The following CNTNAP5 variants were observed in gnomAD, a reference collection of about 807,000 sequenced individuals.
CNTNAP5 encodes the protein contactin associated protein family member 5, also known as contactin-associated protein-like 5.
In CNTNAP5, 72 loss-of-function variants were observed where a neutral mutation model predicts 150.2. The ratio of observed to expected loss-of-function variants is 0.48; its 90% CI spans 0.40 to 0.58. The LOEUF (loss-of-function observed/expected upper bound fraction) is 0.58, where lower values mean the gene tolerates loss of function less well. Ranked by LOEUF, CNTNAP5 falls within the 20% of genes least tolerant of loss-of-function variation. The pLI is 0.00. For missense variants in CNTNAP5, 1,636 were observed against 1,626.2 expected (o/e 1.01, Z -0.10); for synonymous variants, 672 against 619.8 (o/e 1.08, Z -1.25).
intron 19 of CNTNAP5, among the ~76,000 whole-genome samples, chr2:124,802,357 C>T (rs769640830): frequency 1.3e-5 from 2 of 152,184 alleles, no homozygotes; most frequent in Non-Finnish European, 2.9e-5. Context: ...TATCATTATT[C>T]TTGAAATTTC....
chr2:124,229,248 G>T (rs965157530), intron 2 of CNTNAP5, among the ~76,000 whole-genome samples: 3 of 152,092 alleles, frequency 2.0e-5, no homozygotes, highest in African/African-American at 7.2e-5. Context: ...AGTTTAATGA[G>T]TTCCATCAAT....
At chr2:124,842,322 T>C (rs1393559395) in intron 19 of CNTNAP5, among the ~76,000 whole-genome samples, 1 of 152,128 alleles carries the variant, frequency 6.6e-6, no homozygotes. Context: ...GTACCTTTTA[T>C]ACATGCAACA....
intron 3 of CNTNAP5, among the ~76,000 whole-genome samples, chr2:124,342,133 A>G (rs952050291): frequency 4.6e-5 from 7 of 152,134 alleles, no homozygotes; most frequent in Non-Finnish European, 1.0e-4. Context: ...CTCTTCAGTC[A>G]CTCTAATTTT....
chr2:124,053,347 C>T (rs1681759077), intron 1 of CNTNAP5, among the ~76,000 whole-genome samples: 1 of 151,954 alleles, frequency 6.6e-6, no homozygotes, highest in Non-Finnish European at 1.5e-5. Flanking sequence ...GTTCTGCTTC[C>T]TTTTTCTGAT....
At chr2:124,626,803 A>G (rs1677732619) in intron 12 of CNTNAP5, among the ~76,000 whole-genome samples, 1 of 152,052 alleles carries the variant, frequency 6.6e-6, no homozygotes, top group Non-Finnish European at 1.5e-5. Flanking sequence ...GCTAAGAACC[A>G]CTAGCTTGAA....
intron 4 of CNTNAP5, among the ~76,000 whole-genome samples, chr2:124,421,259 TTAAAGTATAG>T (rs1016274609): frequency 6.6e-6 from 1 of 152,202 alleles, no homozygotes; most frequent in Non-Finnish European, 1.5e-5. Flanking sequence ...ATATTTCCAC[TTAAAGTATAG>T]TAGATATATT....
intron 2 of CNTNAP5, 49 bp downstream of exon 2, chr2:124,221,858 G>A (rs1686328829): frequency 1.6e-6 from 2 of 1,215,942 alleles, no homozygotes; most frequent in South Asian, 1.3e-5. Context: ...ATAATTACGT[G>A]GTGGGTAGGT....
chr2:124,685,909 C>T (rs1294386616), intron 13 of CNTNAP5, among the ~76,000 whole-genome samples: 7 of 151,832 alleles, frequency 4.6e-5, no homozygotes, highest in Admixed American at 2.0e-4. Context: ...TTTTTCCCTC[C>T]GCTTTCTAAG....
At chr2:124,114,222 G>A (rs983442616) in intron 1 of CNTNAP5, among the ~76,000 whole-genome samples, 1 of 151,886 alleles carries the variant, frequency 6.6e-6, no homozygotes, top group Non-Finnish European at 1.5e-5. Flanking sequence ...AACTCACATT[G>A]TTACAACATT....
chr2:124,539,728 G>A (rs1337821999), intron 10 of CNTNAP5, among the ~76,000 whole-genome samples: 1 of 152,176 alleles, frequency 6.6e-6, no homozygotes, highest in Admixed American at 6.5e-5. Flanking sequence ...AATGGATGGG[G>A]TTCTGTGTAT....
intron 13 of CNTNAP5, among the ~76,000 whole-genome samples, chr2:124,674,669 T>A (rs1678901238): frequency 6.6e-6 from 1 of 151,654 alleles, no homozygotes; most frequent in Non-Finnish European, 1.5e-5. Flanking sequence ...CCCAAAAAGT[T>A]TGGGTATGTT....
intron 22 of CNTNAP5, among the ~76,000 whole-genome samples, chr2:124,906,516 C>T (rs140010418): frequency 1.3e-5 from 2 of 151,952 alleles, no homozygotes; most frequent in Non-Finnish European, 2.9e-5. Flanking sequence ...CAGTGGTCTA[C>T]GATAGGTCAT....
At chr2:124,733,775 A>C (rs1229910581) in intron 13 of CNTNAP5, among the ~76,000 whole-genome samples, 1 of 152,170 alleles carries the variant, frequency 6.6e-6, no homozygotes, top group Non-Finnish European at 1.5e-5. Context: ...AGTTGAGTGC[A>C]TGTGTGCAGA....
At chr2:124,554,682 A>G (rs1695711382) in intron 10 of CNTNAP5, among the ~76,000 whole-genome samples, 1 of 152,118 alleles carries the variant, frequency 6.6e-6, no homozygotes, top group African/African-American at 2.4e-5. Context: ...TCGGCCTCCT[A>G]AAGGGCTGAG....
intron 1 of CNTNAP5, among the ~76,000 whole-genome samples, chr2:124,096,343 T>C (rs2104691385): frequency 6.6e-6 from 1 of 152,276 alleles, no homozygotes; most frequent in African/African-American, 2.4e-5. Flanking sequence ...TATAGAAAAA[T>C]CCCTTTGGGC....
At chr2:124,149,902 T>C (rs1684363480) in intron 1 of CNTNAP5, among the ~76,000 whole-genome samples, 1 of 152,148 alleles carries the variant, frequency 6.6e-6, no homozygotes, top group Admixed American at 6.5e-5. Context: ...AGACCATTCC[T>C]GATGGAGATG....
At chr2:124,818,202 A>G (rs1255429687) in intron 19 of CNTNAP5, among the ~76,000 whole-genome samples, 1 of 152,170 alleles carries the variant, frequency 6.6e-6, no homozygotes, top group Non-Finnish European at 1.5e-5. Context: ...GAAACATACT[A>G]TATTTTAGCC....
At chr2:124,089,046 G>T (rs1682760568) in intron 1 of CNTNAP5, among the ~76,000 whole-genome samples, 1 of 152,112 alleles carries the variant, frequency 6.6e-6, no homozygotes, top group Admixed American at 6.5e-5. Context: ...TGTAATTCCA[G>T]ATTCTAGCTT....
chr2:124,329,247 G>GA (rs549530405), intron 3 of CNTNAP5, among the ~76,000 whole-genome samples: 29 of 150,730 alleles, frequency 1.9e-4, no homozygotes, highest in African/African-American at 3.4e-4. Context: ...GTAATTTATG[G>GA]AAAAAAAAAT....
Sources: allele counts gnomAD v4.1 joint callset (sites outside exome capture counted in the v4.1 genomes callset), GRCh38; gene constraint gnomAD v4.1.1; transcripts MANE v1.5; gene names NCBI Gene and HGNC (gene_info 2026-07-23, HGNC 2026-07-21).